Variants in SH3GL2 observed in about 807,000 individuals in gnomAD.
SH3GL2 encodes endophilin-A1.
A neutral mutation model predicts 46.0 loss-of-function variants in SH3GL2; 24 were observed. The observed-to-expected ratio is 0.52, with a 90% CI of 0.38 to 0.73. The LOEUF is 0.73. Among genes scored for constraint, SH3GL2 ranks in the 30% least tolerant of loss-of-function variants. The pLI is 0.00. For missense variants in SH3GL2, 413 were observed against 424.2 expected (o/e 0.97, Z 0.23); for synonymous variants, 196 against 147.1 (o/e 1.33, Z -2.40).
intron 1 of SH3GL2, among the ~76,000 whole-genome samples, chr9:17,641,948 A>G (rs1166304903): frequency 1.3e-5 from 2 of 152,182 alleles, no homozygotes; most frequent in Non-Finnish European, 2.9e-5. Context: ...TCCTTTGGGT[A>G]TATACCCACT....
chr9:17,722,518 TTTTTA>T lies in SH3GL2; in HGVS notation c.46-24536_46-24532del, dbSNP rs1441755145. Among the ~76,000 whole-genome samples the T allele has an allele frequency of 3.9e-5, 6 of 152,130 alleles. No individual in the cohort carries two copies. In the East Asian group the frequency reaches 7.8e-4, roughly 20 times the overall value. ...TGCAGTAAAATTTTTTTTTCTTATT[TTTTTA>T]TTTTATTTTATCATTATTATACTTT... On this transcript the variant is annotated intron_variant, in intron 1 of 8. Transcript: ENST00000380607.
chr9:17,673,990 G>T (rs2117983775), intron 1 of SH3GL2, among the ~76,000 whole-genome samples: 1 of 152,232 alleles, frequency 6.6e-6, no homozygotes, highest in East Asian at 1.9e-4. Flanking sequence ...TGAATGGAGG[G>T]TCTGTGTTTT....
intron 1 of SH3GL2, among the ~76,000 whole-genome samples, chr9:17,746,161 G>GTGC (rs200384885): frequency 0.046 from 7,007 of 152,118 alleles, 500 homozygotes; most frequent in African/African-American, 0.16. Flanking sequence ...TGCAGGCTCC[G>GTGC]CCCCGCTGTG....
At chr9:17,790,527 G>T (rs541711454) in intron 6 of SH3GL2, 138 of 405,992 alleles carry the variant, frequency 3.4e-4, no homozygotes, top group Non-Finnish European at 4.1e-4. Context: ...GGAATACTGT[G>T]TGCATGAGGG....
chr9:17,661,727 A>G (rs929220184), intron 1 of SH3GL2, among the ~76,000 whole-genome samples: 2 of 152,228 alleles, frequency 1.3e-5, no homozygotes, highest in Non-Finnish European at 2.9e-5. Context: ...AAAAGTTTGC[A>G]GGCTGCTGGA....
intron 1 of SH3GL2, among the ~76,000 whole-genome samples, chr9:17,687,007 G>A (rs1378836040): frequency 6.6e-6 from 1 of 151,950 alleles, no homozygotes; most frequent in African/African-American, 2.4e-5. Context: ...TTGCAACTGT[G>A]AACTACATTT....
chr9:17,622,212 C>A (rs543291545), intron 1 of SH3GL2, among the ~76,000 whole-genome samples: 13 of 152,176 alleles, frequency 8.5e-5, no homozygotes, highest in African/African-American at 3.1e-4. Flanking sequence ...GGTTACTTGC[C>A]AGGGTGGTAC....
chr9:17,691,962 A>T (rs1375778918), intron 1 of SH3GL2, among the ~76,000 whole-genome samples: 1 of 152,160 alleles, frequency 6.6e-6, no homozygotes, highest in East Asian at 1.9e-4. Flanking sequence ...CTAATTTGAC[A>T]ATATCTATAA....
intron 1 of SH3GL2, among the ~76,000 whole-genome samples, chr9:17,597,839 T>A (rs1304584602): frequency 2.6e-5 from 4 of 152,226 alleles, no homozygotes. Context: ...CCACCCTGAT[T>A]GAGGGCCAGT....
chr9:17,761,350 C>T, intron 2 of SH3GL2, 87 bp from the exon 3 acceptor site: 1 of 831,550 alleles, frequency 1.2e-6, no homozygotes, highest in Non-Finnish European at 2.1e-6. Flanking sequence ...TGTTGCATAC[C>T]CCGCCATTGT....
intron 1 of SH3GL2, among the ~76,000 whole-genome samples, chr9:17,651,807 A>G (rs535724378): frequency 5.3e-5 from 8 of 152,110 alleles, no homozygotes; most frequent in Non-Finnish European, 1.0e-4. Context: ...ACTTGTTTTA[A>G]ATTCTTATTT....
At chr9:17,718,454 G>T (rs1821814181) in intron 1 of SH3GL2, among the ~76,000 whole-genome samples, 1 of 152,112 alleles carries the variant, frequency 6.6e-6, no homozygotes, top group Non-Finnish European at 1.5e-5. Context: ...CAGGTGCAGT[G>T]GCTCACTCCT....
chr9:17,771,134 G>T (rs763156238), intron 3 of SH3GL2, among the ~76,000 whole-genome samples: 1 of 152,176 alleles, frequency 6.6e-6, no homozygotes, highest in Non-Finnish European at 1.5e-5. Context: ...ACAACTGTCT[G>T]CTGGGGCCAT....
intron 1 of SH3GL2, among the ~76,000 whole-genome samples, chr9:17,690,339 T>C (rs758061098): frequency 6.6e-6 from 1 of 152,114 alleles, no homozygotes; most frequent in Non-Finnish European, 1.5e-5. Flanking sequence ...TCTGACTTTG[T>C]TTTTATGGAC....
chr9:17,785,773 G>A (rs1296076366), intron 3 of SH3GL2, among the ~76,000 whole-genome samples: 1 of 152,144 alleles, frequency 6.6e-6, no homozygotes, highest in Admixed American at 6.5e-5. Context: ...CTCTAGTTAT[G>A]TGCTGGAGAA....
At chr9:17,718,215 A>G (rs923090818) in intron 1 of SH3GL2, among the ~76,000 whole-genome samples, 5 of 152,154 alleles carry the variant, frequency 3.3e-5, no homozygotes, top group African/African-American at 4.8e-5. Context: ...CAAAATTCCA[A>G]TATCATGGTT....
rs541773134 is a variant in SH3GL2, at chr9:17,786,086, G to T, written c.188-295G>T. ...GAGTCACTGCAGGGGCCACCACAGT[G>T]AAGGGAGGATGGGGAAGGGCACACA... On this transcript the variant is annotated intron_variant, in intron 3 of 8. Transcript: ENST00000380607. 4.6e-5 allele frequency among the ~76,000 whole-genome samples: 7 copies of T among 152,314 alleles called. No homozygotes were observed. In the South Asian group the frequency reaches 1.4e-3, roughly 32 times the overall value.
chr9:17,789,725 A>G, intron 6 of SH3GL2, 175 bp downstream of exon 6: 2 of 1,362,322 alleles, frequency 1.5e-6, no homozygotes, highest in Non-Finnish European at 1.9e-6. Context: ...GAGAAATAGA[A>G]AAGTTTCTTC....
At chr9:17,636,701 G>A (rs1278906444) in intron 1 of SH3GL2, among the ~76,000 whole-genome samples, 1 of 152,084 alleles carries the variant, frequency 6.6e-6, no homozygotes, top group Non-Finnish European at 1.5e-5. Flanking sequence ...TATTATTCTT[G>A]GAAATGATTT....
Sources: gnomAD v4.1 joint callset for allele counts (sites outside exome capture counted in the v4.1 genomes callset) on GRCh38, gnomAD v4.1.1 for gene constraint, MANE v1.5 for transcripts, NCBI Gene and HGNC (gene_info 2026-07-23, HGNC 2026-07-21) for gene names.